Variants in ITGAX observed in about 807,000 individuals in gnomAD.
ITGAX encodes the protein integrin subunit alpha X.
A neutral mutation model predicts 140.2 loss-of-function variants in ITGAX; 99 were observed. That is an observed-to-expected ratio of 0.71 (90% CI 0.60 to 0.83). ITGAX has a LOEUF of 0.83. Ranked by LOEUF, ITGAX falls within the 40% of genes least tolerant of loss-of-function variation. The probability of loss-of-function intolerance (pLI) is 0.00; values close to 1 mark genes in which losing one functional copy is unlikely to be tolerated. For synonymous variants in ITGAX, 631 were observed against 600.4 expected (o/e 1.05, Z -0.75); for missense variants, 1,444 against 1,482.0 (o/e 0.97, Z 0.42).
chr16:31,368,665 C>G (rs941523874), intron 14 of ITGAX, among the ~76,000 whole-genome samples: 57 of 149,752 alleles, frequency 3.8e-4, no homozygotes, highest in Non-Finnish European at 6.9e-4. Context: ...AGGGGGATTT[C>G]GCAGGGTCAT....
chr16:31,382,309 G>C lies in ITGAX; in HGVS notation c.*402G>C, dbSNP rs912360916. 8 of 1,068,342 alleles carry C rather than the reference G, an allele frequency of 7.5e-6. No individual in the cohort carries two copies. Among genetic ancestry groups the C allele is most frequent in the Non-Finnish European group, 9.0e-6 (7 of 781,756 alleles). The allele number at this position is 1,068,342 out of a possible 1,614,324, so 66.2% of individuals were successfully genotyped here. On this transcript the variant is annotated 3_prime_UTR_variant, in exon 30 of 30. Transcript: ENST00000268296. ...CACCCAGGCTGGAGTGCAATGGCGT[G>C]ATCTCGGCTCACTGCAACCTCCGCC... is the stretch of plus-strand genomic sequence containing the variant.
Position 31,382,511 on chromosome 16 carries a change from C to A in ITGAX, c.*604C>A. 7.1e-7 allele frequency: 1 copy of A among 1,405,878 alleles called. No homozygotes were observed. The highest frequency in any genetic ancestry group is 9.7e-7 in the Non-Finnish European group (1 of 1,028,214). 87.1% of individuals were successfully genotyped at this position (1,405,878 alleles called of 1,614,324 possible). A position where few individuals can be genotyped will look rare whatever the true frequency, so the allele number is the denominator to read the frequency against. On this transcript the variant is annotated 3_prime_UTR_variant, in exon 30 of 30. Transcript: ENST00000268296. ...ACAATGTCTGAACTCTCCAGCTTCG[C>A]GTGAGAAGTCCCCTTCCATCCCAGA...
chr16:31,363,236 T>C lies in ITGAX; in HGVS notation c.1572T>C (p.Ala524=). The C allele has an allele frequency of 6.2e-7, 1 of 1,613,604 alleles. No individual in the cohort carries two copies. Among genetic ancestry groups the C allele is most frequent in the Non-Finnish European group, 8.5e-7 (1 of 1,179,770 alleles). ...ACCCCTGGGGTCGCTTTGGGGCGGC[T>C]CTGACAGTGCTGGGGGATGTGAATG... ...QGHPWGRFGA[A]LTVLGDVNGD... The change falls in exon 14 of 30, where the codon GCT becomes GCC. Residue 524 remains alanine, a synonymous_variant. Coordinates refer to ENST00000268296, the MANE Select transcript of ITGAX (RefSeq NM_000887.5).
At position 31,371,702 on chromosome 16, in the gene ITGAX, A is replaced by C; in HGVS notation, c.2078A>C (p.Gln693Pro). 6.2e-7 allele frequency: 1 copy of C among 1,614,138 alleles called. No individual in the cohort carries two copies. The highest frequency in any genetic ancestry group is 1.1e-5 in the South Asian group (1 of 91,076). Residue 693 changes from glutamine to proline, a missense_variant, in exon 17 of 30, where the codon CAG becomes CCG. Coordinates refer to ENST00000268296, the MANE Select transcript of ITGAX (RefSeq NM_000887.5). ...CGCCTGAGTCCCCGTGCCACCTTCC[A>C]GGAAACAAAGAACCGGAGTCTGAGC... is the stretch of plus-strand genomic sequence containing the variant. The part of the protein sequence containing the change: ...PGRLSPRATF[Q>P]ETKNRSLSRV...
chr16:31,360,208 TG>T, intron 7 of ITGAX, 101 bp from the exon 8 acceptor site: 1 of 1,509,256 alleles, frequency 6.6e-7, no homozygotes. Context: ...TGGGTGGGAC[TG>T]GGGCCTCCCA....
intron 18 of ITGAX, 24 bp from the exon 19 acceptor site, chr16:31,372,573 A>AC (rs781202546): frequency 1.9e-6 from 3 of 1,612,810 alleles, no homozygotes; most frequent in South Asian, 1.1e-5. Flanking sequence ...CTCGGAGAAA[A>AC]CCCCCCGTTG....
chr16:31,380,139 A>T (rs1183934553), intron 26 of ITGAX, 74 bp downstream of exon 26: 1 of 1,553,558 alleles, frequency 6.4e-7, no homozygotes, highest in Non-Finnish European at 8.9e-7. Context: ...TTCATGTTCC[A>T]TATCCATCCT....
At chr16:31,371,591 G>A (rs2080961290) in intron 16 of ITGAX, 39 bp from the exon 17 acceptor site, 1 of 1,612,512 alleles carries the variant, frequency 6.2e-7, no homozygotes. Flanking sequence ...TCCACCCAAG[G>A]AGTTCCTGTC....
intron 9 of ITGAX, 81 bp downstream of exon 9, chr16:31,361,294 C>A: frequency 1.4e-6 from 2 of 1,442,774 alleles, no homozygotes; most frequent in Non-Finnish European, 1.9e-6. Flanking sequence ...CTCCGTGAAA[C>A]AGGTAGACAG....
chr16:31,380,809 G>T, intron 28 of ITGAX, 88 bp from the exon 29 acceptor site: 1 of 1,321,474 alleles, frequency 7.6e-7, no homozygotes, highest in Non-Finnish European at 1.1e-6. Context: ...TGGGGAAGGA[G>T]GGGAGGGAGT....
Position 31,377,169 on chromosome 16 carries a change from C to T in ITGAX, c.2706-13C>T. ...TGGGGCCTCTGGCAACTGAGTCTCT[C>T]CTCTTTCTCCAGTGAGAACAACACT... is the stretch of plus-strand genomic sequence containing the variant. On this transcript the variant is annotated splice_polypyrimidine_tract_variant and intron_variant, in intron 22 of 29. Coordinates refer to ENST00000268296, the MANE Select transcript of ITGAX (RefSeq NM_000887.5). 6.2e-7 allele frequency: 1 copy of T among 1,613,824 alleles called. No individual in the cohort carries two copies. The highest frequency in any genetic ancestry group is 8.5e-7 in the Non-Finnish European group (1 of 1,179,708).
intron 8 of ITGAX, 153 bp downstream of exon 8, chr16:31,360,616 C>A (rs895858340): frequency 1.5e-6 from 1 of 684,008 alleles, no homozygotes; most frequent in Non-Finnish European, 2.4e-6. Flanking sequence ...AACTCCTGGG[C>A]TCCAGTGATC....
chr16:31,362,913 T>C (rs1320421232), intron 12 of ITGAX, 22 bp from the exon 13 acceptor site: 1 of 1,610,602 alleles, frequency 6.2e-7, no homozygotes, highest in Non-Finnish European at 8.5e-7. Context: ...ACAGGCAGCA[T>C]GACCCAGGCT....
chr16:31,381,950 C>A lies in ITGAX; in HGVS notation c.*43C>A. ...ACTTCTTCTCCCCCGCGAGTTTTCC[C>A]CACTTACTTACCCTCACCTGTCAGG... On this transcript the variant is annotated 3_prime_UTR_variant, in exon 30 of 30. Coordinates refer to ENST00000268296, the MANE Select transcript of ITGAX (RefSeq NM_000887.5). 7.9e-7 allele frequency: 1 copy of A among 1,262,486 alleles called. No homozygotes were observed. Among genetic ancestry groups the A allele is most frequent in the Non-Finnish European group, 1.2e-6 (1 of 861,952 alleles). The allele number at this position is 1,262,486 out of a possible 1,614,324, so 78.2% of individuals were successfully genotyped here.
intron 2 of ITGAX, 61 bp downstream of exon 2, chr16:31,356,059 T>G (rs746898013): frequency 2.7e-5 from 33 of 1,212,872 alleles, no homozygotes; most frequent in Non-Finnish European, 3.6e-5. Context: ...CAGGGCCCCA[T>G]GCCCCCGGCC....
At chr16:31,380,763 C>A in intron 28 of ITGAX, 134 bp from the exon 29 acceptor site, 1 of 1,271,460 alleles carries the variant, frequency 7.9e-7, no homozygotes. Flanking sequence ...CCTAAGGGCA[C>A]GGGTGCTGCT....
chr16:31,378,136 C>CT (rs1208977861), intron 23 of ITGAX, among the ~76,000 whole-genome samples: 2 of 152,214 alleles, frequency 1.3e-5, no homozygotes, highest in African/African-American at 4.8e-5. Flanking sequence ...GAAGAGTCTG[C>CT]TGTGGGCCCT....
rs2080769571 is a variant in ITGAX at position 31,357,093 on chromosome 16, C to A, written c.310C>A (p.Gln104Lys). ...LSLASTTSPS[Q>K]LLACGPTVHH... ...CCTGGCGTCTACCACCAGCCCTTCCCAGCTGCTGGTGAGTGGCCCTGGGTC... is the reference window on the plus strand; with the variant it reads ...CCTGGCGTCTACCACCAGCCCTTCCAAGCTGCTGGTGAGTGGCCCTGGGTC... Residue 104 changes from glutamine to lysine, a missense_variant, in exon 4 of 30, where the codon CAG becomes AAG. Physicochemically the swap from Gln to Lys is moderately conservative, Grantham distance 53. Transcript: ENST00000268296. 6.2e-7 allele frequency: 1 copy of A among 1,606,550 alleles called. No homozygotes were observed. The highest frequency in any genetic ancestry group is 1.3e-5 in the African/African-American group (1 of 74,442).
rs367918770 is a variant in ITGAX at position 31,362,109 on chromosome 16, C to T, written c.1121C>T (p.Thr374Ile). 4.3e-6 allele frequency: 7 copies of T among 1,614,008 alleles called. No individual in the cohort carries two copies. The African/African-American group carries it at 5.3e-5, about 12-fold the overall frequency. Reference sequence around the variant, plus strand: ...GTTCTGGGGGCTGTGGGGAGCTTCACCTGGTCTGGAGGTGCCTTCCTGTAC... The same window carrying T: ...GTTCTGGGGGCTGTGGGGAGCTTCATCTGGTCTGGAGGTGCCTTCCTGTAC... ...GPVLGAVGSF[T>I]WSGGAFLYPP... is the part of the protein sequence containing the mutation. Residue 374 changes from threonine to isoleucine, a missense_variant, in exon 11 of 30, where the codon ACC becomes ATC. Transcript: ENST00000268296.
Sources: allele counts gnomAD v4.1 joint callset (sites outside exome capture counted in the v4.1 genomes callset), GRCh38; gene constraint gnomAD v4.1.1; transcripts MANE v1.5; gene names NCBI Gene and HGNC (gene_info 2026-07-23, HGNC 2026-07-21).